Variants in GRID1 observed in about 807,000 individuals in gnomAD.
GRID1 encodes the protein glutamate ionotropic receptor delta type subunit 1, also known as glutamate receptor ionotropic, delta-1.
A neutral mutation model predicts 98.0 loss-of-function variants in GRID1; 28 were observed. The ratio of observed to expected loss-of-function variants is 0.29; its 90% CI spans 0.21 to 0.39. The LOEUF is 0.39. Ranked by LOEUF, GRID1 falls within the 10% of genes least tolerant of loss-of-function variation. The pLI is 1.00. For missense variants in GRID1, 1,111 were observed against 1,340.5 expected, an observed-to-expected ratio of 0.83 and a Z score of 2.67; for synonymous variants, 553 against 538.5, an observed-to-expected ratio of 1.03 and a Z score of -0.37.
intron 6 of GRID1, among the ~76,000 whole-genome samples, chr10:85,863,885 G>T (rs1358393027): frequency 6.6e-6 from 1 of 152,208 alleles, no homozygotes; most frequent in Non-Finnish European, 1.5e-5. Flanking sequence ...TTGTGCATCC[G>T]CATTATCAAG....
At chr10:85,810,533 G>A (rs866232603) in intron 8 of GRID1, among the ~76,000 whole-genome samples, 1 of 152,188 alleles carries the variant, frequency 6.6e-6, no homozygotes, top group Non-Finnish European at 1.5e-5. Flanking sequence ...AAGCAGATGA[G>A]CAGCTGTGTG....
At chr10:86,173,682 G>A (rs1413814936) in intron 3 of GRID1, among the ~76,000 whole-genome samples, 4 of 151,232 alleles carry the variant, frequency 2.6e-5, no homozygotes, top group African/African-American at 4.9e-5. Context: ...CCATTAACTC[G>A]TCATTTAGCA....
At chr10:86,088,931 C>G (rs1270929281) in intron 4 of GRID1, among the ~76,000 whole-genome samples, 2 of 152,096 alleles carry the variant, frequency 1.3e-5, no homozygotes, top group African/African-American at 4.8e-5. Flanking sequence ...AAGTCCTGCT[C>G]TATCTAGCCA....
At chr10:86,170,198 A>G (rs1374050241) in intron 3 of GRID1, among the ~76,000 whole-genome samples, 2 of 152,156 alleles carry the variant, frequency 1.3e-5, no homozygotes, top group Non-Finnish European at 2.9e-5. Flanking sequence ...CCCAGCCCAC[A>G]GGACTGGGTT....
intron 8 of GRID1, among the ~76,000 whole-genome samples, chr10:85,742,219 A>G (rs1327140199): frequency 2.0e-5 from 3 of 152,180 alleles, no homozygotes; most frequent in Non-Finnish European, 4.4e-5. Context: ...TAAATTAAAG[A>G]ACTAGTTGAT....
intron 4 of GRID1, among the ~76,000 whole-genome samples, chr10:86,025,535 GCTTTCCAAATGCTGTC>G (rs537686798): frequency 6.6e-6 from 1 of 152,296 alleles, no homozygotes; most frequent in South Asian, 2.1e-4. Flanking sequence ...TGTACCACGT[GCTTTCCAAATGCTGTC>G]CTTTCTACCC....
chr10:86,038,271 T>C (rs897191038), intron 4 of GRID1, among the ~76,000 whole-genome samples: 2 of 152,208 alleles, frequency 1.3e-5, no homozygotes, highest in Non-Finnish European at 2.9e-5. Context: ...ATCAGTGTAA[T>C]GTCTCCAAGT....
At chr10:85,851,822 G>A (rs118000688) in intron 8 of GRID1, among the ~76,000 whole-genome samples, 1,645 of 152,232 alleles carry the variant, frequency 0.011, 34 homozygotes, top group African/African-American at 0.036. Context: ...GCACTCCTTA[G>A]ATGACTGATC....
intron 2 of GRID1, among the ~76,000 whole-genome samples, chr10:86,211,213 G>A (rs1236901750): frequency 6.6e-6 from 1 of 152,196 alleles, no homozygotes; most frequent in African/African-American, 2.4e-5. Flanking sequence ...CTAGGATGAT[G>A]CTCAAAGATG....
At chr10:86,244,984 C>CA in intron 2 of GRID1, among the ~76,000 whole-genome samples, 1 of 152,344 alleles carries the variant, frequency 6.6e-6, no homozygotes. Context: ...AAAGGAGCAC[C>CA]AGGGCCCAAA....
At chr10:85,650,560 G>A (rs567701414) in intron 12 of GRID1, among the ~76,000 whole-genome samples, 19 of 152,304 alleles carry the variant, frequency 1.2e-4, no homozygotes, top group Admixed American at 4.6e-4. Context: ...ATCAAGGGGC[G>A]AGTGATCAGA....
In GRID1 at chr10:86,052,955, A is replaced by C. The variant is rs1843522093; in HGVS notation, c.726+85864T>G. 2.6e-5 allele frequency among the ~76,000 whole-genome samples: 4 copies of C among 152,336 alleles called. No homozygotes were observed. The South Asian group carries it at 8.3e-4, about 32-fold the overall frequency. ...AATCTTTTTAAAGAAAATCACTAAGAATGTGCTCAAAGACAGGTACAAAGC... is the reference window on the plus strand; with the variant it reads ...AATCTTTTTAAAGAAAATCACTAAGCATGTGCTCAAAGACAGGTACAAAGC... On this transcript the variant is annotated intron_variant, in intron 4 of 15. Coordinates refer to ENST00000327946, the MANE Select transcript of GRID1 (RefSeq NM_017551.3).
chr10:86,257,373 G>A (rs1846938116), intron 2 of GRID1, among the ~76,000 whole-genome samples: 1 of 152,198 alleles, frequency 6.6e-6, no homozygotes, highest in African/African-American at 2.4e-5. Flanking sequence ...TTAATACAGT[G>A]TGTGGGATAC....
chr10:85,874,783 T>A (rs1284952091), intron 5 of GRID1, among the ~76,000 whole-genome samples: 1 of 152,218 alleles, frequency 6.6e-6, no homozygotes, highest in Non-Finnish European at 1.5e-5. Flanking sequence ...TGGTCATTTT[T>A]AGGTCCATTA....
chr10:85,803,054 G>C (rs376531163), intron 8 of GRID1, among the ~76,000 whole-genome samples: 1 of 152,128 alleles, frequency 6.6e-6, no homozygotes, highest in Non-Finnish European at 1.5e-5. Flanking sequence ...TTGGTTGCCA[G>C]AAGGGTGGTT....
At chr10:86,262,403 T>A (rs59008047) in intron 2 of GRID1, among the ~76,000 whole-genome samples, 1,726 of 152,272 alleles carry the variant, frequency 0.011, 34 homozygotes, top group South Asian at 0.036. Context: ...CCCACCCACC[T>A]CGAAGAGCTT....
intron 15 of GRID1, among the ~76,000 whole-genome samples, chr10:85,610,900 G>A (rs1842725677): frequency 6.6e-6 from 1 of 152,202 alleles, no homozygotes; most frequent in Non-Finnish European, 1.5e-5. Flanking sequence ...AGGACAGGCA[G>A]CTGCTGTGCT....
chr10:86,223,324 G>A (rs773288792), intron 2 of GRID1, among the ~76,000 whole-genome samples: 9 of 152,204 alleles, frequency 5.9e-5, no homozygotes, highest in Non-Finnish European at 1.5e-5. Context: ...ACAAAGAGAT[G>A]ACAGGCAGAA....
chr10:86,139,844 T>C (rs566763360), intron 3 of GRID1, among the ~76,000 whole-genome samples: 2 of 152,360 alleles, frequency 1.3e-5, no homozygotes, highest in East Asian at 3.9e-4. Flanking sequence ...ATAGTTGCAC[T>C]GCACACTGCT....
Sources: gnomAD v4.1 joint callset for allele counts (sites outside exome capture counted in the v4.1 genomes callset) on GRCh38, gnomAD v4.1.1 for gene constraint, MANE v1.5 for transcripts, NCBI Gene and HGNC (gene_info 2026-07-23, HGNC 2026-07-21) for gene names.